The following STAC variants were observed in gnomAD, a reference collection of about 807,000 sequenced individuals.
STAC encodes the protein SH3 and cysteine-rich domain-containing protein.
STAC carries 43 observed loss-of-function variants against 48.8 expected under a neutral mutation model. The observed-to-expected ratio is 0.88, with a 90% CI of 0.69 to 1.14. The LOEUF (loss-of-function observed/expected upper bound fraction) is 1.14, where lower values mean the gene tolerates loss of function less well. Ranked by LOEUF, STAC falls within the 50% of genes most tolerant of loss-of-function variation. STAC has a pLI of 0.00. For missense variants in STAC, 497 were observed against 504.0 expected, an observed-to-expected ratio of 0.99 and a Z score of 0.13; for synonymous variants, 193 against 179.5, an observed-to-expected ratio of 1.07 and a Z score of -0.60.
intron 8 of STAC, among the ~76,000 whole-genome samples, chr3:36,507,832 G>A (rs1055751338): frequency 3.9e-5 from 6 of 152,004 alleles, no homozygotes; most frequent in African/African-American, 1.4e-4. Context: ...AGTCTGGCTA[G>A]CAGTCTATCT....
intron 1 of STAC, among the ~76,000 whole-genome samples, chr3:36,388,051 A>G (rs1189732445): frequency 6.6e-6 from 1 of 152,036 alleles, no homozygotes; most frequent in Admixed American, 6.6e-5. Context: ...TCTCATGTTT[A>G]GTGATGTAGA....
intron 1 of STAC, among the ~76,000 whole-genome samples, chr3:36,433,255 T>C (rs967680030): frequency 6.6e-6 from 1 of 152,076 alleles, no homozygotes. Flanking sequence ...TTATGTATCA[T>C]TGGAAAACTG....
intron 1 of STAC, among the ~76,000 whole-genome samples, chr3:36,441,960 G>T (rs867966380): frequency 6.6e-6 from 1 of 151,580 alleles, no homozygotes; most frequent in Non-Finnish European, 1.5e-5. Flanking sequence ...TTTTGCCATT[G>T]AGATGCTTGA....
intron 1 of STAC, among the ~76,000 whole-genome samples, chr3:36,415,331 C>T (rs188674766): frequency 1.1e-4 from 17 of 152,324 alleles, no homozygotes; most frequent in Middle Eastern, 3.4e-3. Flanking sequence ...TCCAGCTTCC[C>T]AGCCACTATG....
At chr3:36,519,756 C>T (rs1237978119) in intron 8 of STAC, among the ~76,000 whole-genome samples, 1 of 152,124 alleles carries the variant, frequency 6.6e-6, no homozygotes, top group Admixed American at 6.6e-5. Flanking sequence ...AGAATTTTTA[C>T]ATGGCTCATT....
chr3:36,436,680 T>A lies in STAC; in HGVS notation c.112-6684T>A, dbSNP rs1367559055. The stretch of plus-strand genomic sequence containing the variant: ...GCCCAGCTCTAGCCTTATTTTCCTT[T>A]GTACCTCCTCTCCCTGTCCAAATTT... On this transcript the variant is annotated intron_variant, in intron 1 of 10. Coordinates refer to ENST00000273183, the MANE Select transcript of STAC (RefSeq NM_003149.3). Among the ~76,000 whole-genome samples the A allele has an allele frequency of 2.0e-5, 3 of 152,160 alleles. No individual in the cohort carries two copies. The East Asian group carries it at 5.8e-4, about 29-fold the overall frequency.
chr3:36,385,209 T>C (rs17034991), intron 1 of STAC, among the ~76,000 whole-genome samples: 28,978 of 152,072 alleles, frequency 0.19, 3,349 homozygotes, highest in Non-Finnish European at 0.24. Context: ...TTCCTATACT[T>C]TTAAGTAACC....
At chr3:36,500,447 C>T (rs190962201) in intron 6 of STAC, among the ~76,000 whole-genome samples, 15 of 151,944 alleles carry the variant, frequency 9.9e-5, no homozygotes, top group African/African-American at 2.2e-4. Context: ...GCCCGTCAGG[C>T]GAAGGAGGTA....
At chr3:36,500,256 T>C (rs1306424563) in intron 6 of STAC, among the ~76,000 whole-genome samples, 2 of 152,208 alleles carry the variant, frequency 1.3e-5, no homozygotes, top group Admixed American at 1.3e-4. Context: ...CATGGAATAC[T>C]ATGCAGCCAT....
intron 8 of STAC, among the ~76,000 whole-genome samples, chr3:36,509,747 G>A (rs997466160): frequency 6.6e-6 from 1 of 151,672 alleles, no homozygotes; most frequent in Non-Finnish European, 1.5e-5. Flanking sequence ...TGGGAAAACT[G>A]GCTAGCCATA....
chr3:36,512,041 C>A (rs147324143), intron 8 of STAC, among the ~76,000 whole-genome samples: 219 of 152,280 alleles, frequency 1.4e-3, no homozygotes, highest in Non-Finnish European at 2.3e-3. Flanking sequence ...AGGTTGAGAT[C>A]TGCTGCCAGG....
At chr3:36,479,518 G>T (rs1437322425) in intron 2 of STAC, among the ~76,000 whole-genome samples, 3 of 152,040 alleles carry the variant, frequency 2.0e-5, no homozygotes, top group South Asian at 2.1e-4. Flanking sequence ...GGACTAAGTG[G>T]GAAATTTATA....
chr3:36,492,360 T>A (rs980792576), intron 5 of STAC, among the ~76,000 whole-genome samples: 1 of 152,078 alleles, frequency 6.6e-6, no homozygotes, highest in African/African-American at 2.4e-5. Context: ...GAGCACGAGC[T>A]CTGGAGGCAA....
intron 5 of STAC, among the ~76,000 whole-genome samples, chr3:36,490,125 C>G (rs1201488816): frequency 6.6e-6 from 1 of 152,156 alleles, no homozygotes; most frequent in Non-Finnish European, 1.5e-5. Flanking sequence ...TCCTCTTCAC[C>G]TTTGCTCTTA....
intron 10 of STAC, among the ~76,000 whole-genome samples, chr3:36,536,208 GCC>G: frequency 6.6e-6 from 1 of 151,752 alleles, no homozygotes; most frequent in Admixed American, 6.6e-5. Flanking sequence ...AGGGTGTATG[GCC>G]ATTGACATTC....
chr3:36,462,741 G>T (rs976281157), intron 2 of STAC, among the ~76,000 whole-genome samples: 1 of 152,166 alleles, frequency 6.6e-6, no homozygotes, highest in Non-Finnish European at 1.5e-5. Context: ...TTAGCCAAGT[G>T]GATCATGGTG....
At chr3:36,398,248 A>G (rs1256478201) in intron 1 of STAC, among the ~76,000 whole-genome samples, 1 of 151,384 alleles carries the variant, frequency 6.6e-6, no homozygotes, top group East Asian at 1.9e-4. Flanking sequence ...CCAGTTTATG[A>G]GCTTTGTAGT....
At chr3:36,403,229 A>T (rs527420501) in intron 1 of STAC, among the ~76,000 whole-genome samples, 7 of 152,202 alleles carry the variant, frequency 4.6e-5, no homozygotes, top group African/African-American at 1.4e-4. Context: ...GCAAGGCCTG[A>T]AAAATAGAAT....
chr3:36,486,070 G>A, intron 4 of STAC, 64 bp from the exon 5 acceptor site: 1 of 1,235,274 alleles, frequency 8.1e-7, no homozygotes, highest in South Asian at 1.3e-5. Flanking sequence ...CAGGAGATGT[G>A]GTAGGCAGTT....
Sources: allele counts gnomAD v4.1 joint callset (sites outside exome capture counted in the v4.1 genomes callset), GRCh38; gene constraint gnomAD v4.1.1; transcripts MANE v1.5; gene names NCBI Gene and HGNC (gene_info 2026-07-23, HGNC 2026-07-21).